The following P2RX6 variants were observed in gnomAD, a reference collection of about 807,000 sequenced individuals.
P2RX6 encodes P2X purinoceptor 6.
Under a neutral mutation model 54.2 loss-of-function variants are expected in P2RX6, and 62 were observed. The ratio of observed to expected loss-of-function variants is 1.14; its 90% CI spans 0.93 to 1.41. The LOEUF (loss-of-function observed/expected upper bound fraction) is 1.41. Among genes scored for constraint, P2RX6 ranks in the 40% most tolerant of loss-of-function variants. P2RX6 has a pLI of 0.00. For synonymous variants in P2RX6, 211 were observed against 231.9 expected, an observed-to-expected ratio of 0.91 and a Z score of 0.82; for missense variants, 541 against 566.3, an observed-to-expected ratio of 0.96 and a Z score of 0.45.
At chr22:21,017,739 C>G (rs868602317) in intron 2 of P2RX6, among the ~76,000 whole-genome samples, 50 of 152,096 alleles carry the variant, frequency 3.3e-4, no homozygotes, top group African/African-American at 1.1e-3. Flanking sequence ...CACATGCACA[C>G]ACACACACAA....
Position 21,021,170 on chromosome 22 carries a change from T to C in P2RX6, c.388-1506T>C, listed in dbSNP as rs529060384. On this transcript the variant is annotated intron_variant, in intron 3 of 11. Transcript: ENST00000413302. ...TCTTTTTTTTCCTGTAGCAATGAGG[T>C]CTTGCTTTGTTGCCCAGGCTGGTCT... Among the ~76,000 whole-genome samples, 5 of 152,122 alleles carry C rather than the reference T, an allele frequency of 3.3e-5. No individual in the cohort carries two copies. In the East Asian group the frequency reaches 9.7e-4, roughly 29 times the overall value.
At chr22:21,013,154 T>G (rs1164045249), upstream of P2RX6, 1 of 164,438 alleles carries the variant, frequency 6.1e-6, no homozygotes, top group Non-Finnish European at 1.4e-5. Flanking sequence ...GTACAGGGTG[T>G]CCCCGACCAG....
At chr22:21,018,343 C>T (rs1166539935) in intron 3 of P2RX6, 6 of 425,024 alleles carry the variant, frequency 1.4e-5, no homozygotes, top group Non-Finnish European at 2.2e-5. Flanking sequence ...GACAGGACCC[C>T]GAGCTCTGGG....
At position 21,026,349 on chromosome 22, in the gene P2RX6, C is replaced by G. The variant is rs376403256; in HGVS notation, c.1128+20C>G. The G allele has an allele frequency of 6.3e-7, 1 of 1,594,956 alleles. No individual in the cohort carries two copies. The stretch of plus-strand genomic sequence containing the variant: ...GAGGAGGTGAGCTGAGGTCGCTCTG[C>G]TTGGACCCTGGGTTCTGCCACACTT... On this transcript the variant is annotated intron_variant, in intron 11 of 11. Transcript: ENST00000413302. This position sits in a 1 kb window ranked among gnomAD's most constrained non-coding sequence, Gnocchi z 4.0.
intron 1 of P2RX6, 52 bp downstream of exon 1, chr22:21,015,390 G>A (rs1465356201): frequency 6.6e-7 from 1 of 1,514,780 alleles, no homozygotes; most frequent in Non-Finnish European, 8.7e-7. Context: ...AAGAGGTGGG[G>A]GGTGGGGCTT....
Position 21,026,358 on chromosome 22 carries a change from T to C in P2RX6, c.1128+29T>C. The C allele has an allele frequency of 1.3e-6, 2 of 1,591,296 alleles. No homozygotes were observed. The highest frequency in any genetic ancestry group is 1.7e-6 in the Non-Finnish European group (2 of 1,168,768). On this transcript the variant is annotated intron_variant, in intron 11 of 11. Coordinates refer to ENST00000413302, the MANE Select transcript of P2RX6 (RefSeq NM_005446.5). The surrounding 1 kb of genome is among the most constrained non-coding windows in gnomAD (Gnocchi z 4.0). ...AGCTGAGGTCGCTCTGCTTGGACCC[T>C]GGGTTCTGCCACACTTAGGAAGATG...
At position 21,023,481 on chromosome 22, in the gene P2RX6, C is replaced by T. The variant is rs536520005; in HGVS notation, c.781-28C>T. Reference sequence around the variant, plus strand: ...GGGAGAGGGTCCCGGGCCCACCCACCGGTGGAAAAGCTATGTGCTATGTGC... The same window carrying T: ...GGGAGAGGGTCCCGGGCCCACCCACTGGTGGAAAAGCTATGTGCTATGTGC... On this transcript the variant is annotated intron_variant, in intron 7 of 11. Coordinates refer to ENST00000413302, the MANE Select transcript of P2RX6 (RefSeq NM_005446.5). 201 of 1,613,038 alleles carry T rather than the reference C, an allele frequency of 1.2e-4. 2 individuals are homozygous for T. In the Middle Eastern group the frequency reaches 2.3e-3, roughly 19 times the overall value.
chr22:21,025,854 C>A lies in P2RX6; in HGVS notation c.940C>A (p.Leu314Ile). 6.4e-7 allele frequency: 1 copy of A among 1,571,792 alleles called. No homozygotes were observed. The highest frequency in any genetic ancestry group is 2.4e-5 in the East Asian group (1 of 42,344). ...ACCGGGTGTGGAGGCCCGCACCCTG[C>A]TCAAGCTCTATGGAATCCGCTTCGA... ...EQPGVEARTL[L>I]KLYGIRFDIL... The change falls in exon 9 of 12, where the codon CTC becomes ATC. Residue 314 changes from leucine to isoleucine, a missense_variant. Leu to Ile is a conservative substitution (Grantham distance 5). Coordinates refer to ENST00000413302, the MANE Select transcript of P2RX6 (RefSeq NM_005446.5).
chr22:21,026,045 C>G lies in P2RX6; in HGVS notation c.1019C>G (p.Thr340Arg). Residue 340 changes from threonine (T) to arginine (R), a missense_variant, in exon 10 of 12, where the codon ACA becomes AGA. Physicochemically the swap from Thr to Arg is moderately conservative, Grantham distance 71. Coordinates refer to ENST00000413302, the MANE Select transcript of P2RX6 (RefSeq NM_005446.5). This position sits in a 1 kb window ranked among gnomAD's most constrained non-coding sequence, Gnocchi z 4.0. Reference sequence around the variant, plus strand: ...TTCGGGCTCATCCCCACGGCCGTCACACTGGGCACCGGGGCAGCTTGGCTG... The same window carrying G: ...TTCGGGCTCATCCCCACGGCCGTCAGACTGGGCACCGGGGCAGCTTGGCTG... ...GKFGLIPTAV[T>R]LGTGAAWLGV... 1 of 1,612,062 alleles carries G rather than the reference C, an allele frequency of 6.2e-7. No individual in the cohort carries two copies. Among genetic ancestry groups the G allele is most frequent in the Non-Finnish European group, 8.5e-7 (1 of 1,179,378 alleles).
At chr22:21,011,362 T>C (rs898121312), upstream of P2RX6, 7 of 595,728 alleles carry the variant, frequency 1.2e-5, 1 homozygote, top group African/African-American at 1.4e-4. Flanking sequence ...TTCATGGCCA[T>C]GGTGCCCTGC....
At position 21,026,874 on chromosome 22, in the gene P2RX6, C is replaced by G. The variant is rs932355384; in HGVS notation, c.*257C>G. 3.1e-6 allele frequency: 2 copies of G among 636,466 alleles called. No individual in the cohort carries two copies. The highest frequency in any genetic ancestry group is 6.3e-5 in the Admixed American group (2 of 31,598). 39.4% of individuals were successfully genotyped at this position (636,466 alleles called of 1,614,324 possible). A position where few individuals can be genotyped will look rare whatever the true frequency, so the allele number is the denominator to read the frequency against. ...AGCAGGCACCTGTATTGCAGGGCTC[C>G]GACTGCATGTGGCAGGGGCTCCTGC... On this transcript the variant is annotated 3_prime_UTR_variant, in exon 12 of 12. Coordinates refer to ENST00000413302, the MANE Select transcript of P2RX6 (RefSeq NM_005446.5). This position sits in a 1 kb window ranked among gnomAD's most constrained non-coding sequence, Gnocchi z 4.0.
At chr22:21,012,383 C>T (rs1275577954), upstream of P2RX6, 1 of 325,884 alleles carries the variant, frequency 3.1e-6, no homozygotes, top group African/African-American at 2.2e-5. Context: ...CCCACATACC[C>T]CCTCCTGTGA....
chr22:21,014,173 C>T, upstream of P2RX6: 1 of 155,994 alleles, frequency 6.4e-6, no homozygotes, highest in Non-Finnish European at 1.4e-5. Context: ...TCGCCTCTTC[C>T]TCCTGCTTTT....
Position 21,026,516 on chromosome 22 carries a change from C to A in P2RX6, c.1225C>A (p.Pro409Thr). Residue 409 changes from proline (P) to threonine (T), a missense_variant, in exon 12 of 12, where the codon CCT becomes ACT. By Grantham distance (38) the Pro-to-Thr change is conservative. Coordinates refer to ENST00000413302, the MANE Select transcript of P2RX6 (RefSeq NM_005446.5). This position sits in a 1 kb window ranked among gnomAD's most constrained non-coding sequence, Gnocchi z 4.0. The part of the protein sequence containing the change: ...LAECLRRSSA[P>T]APTATAAGSQ... ...CGAGTGCCTCAGACGGAGCTCAGCACCTGCACCCACGGCCACTGCTGCTGG... is the reference window on the plus strand; with the variant it reads ...CGAGTGCCTCAGACGGAGCTCAGCAACTGCACCCACGGCCACTGCTGCTGG... 1 of 1,592,826 alleles carries A rather than the reference C, an allele frequency of 6.3e-7. No individual in the cohort carries two copies. Among genetic ancestry groups the A allele is most frequent in the African/African-American group, 1.3e-5 (1 of 74,482 alleles).
chr22:21,020,975 G>T (rs528004315), intron 3 of P2RX6, among the ~76,000 whole-genome samples: 1 of 152,218 alleles, frequency 6.6e-6, no homozygotes, highest in African/African-American at 2.4e-5. Flanking sequence ...GGTGGGTAAA[G>T]GCCCTGAGCT....
rs1002973155 is a variant in P2RX6, at chr22:21,026,814, C to T, written c.*197C>T. On this transcript the variant is annotated 3_prime_UTR_variant, in exon 12 of 12. Transcript: ENST00000413302. The surrounding 1 kb of genome is among the most constrained non-coding windows in gnomAD (Gnocchi z 4.0). ...AGAAGTCGGCTGTGTTTTGAGACGGCGACAGAACCTGACCCGTGGAGACTG... is the reference window on the plus strand; with the variant it reads ...AGAAGTCGGCTGTGTTTTGAGACGGTGACAGAACCTGACCCGTGGAGACTG... The T allele has an allele frequency of 3.6e-5, 41 of 1,152,100 alleles. No homozygotes were observed. The highest frequency in any genetic ancestry group is 2.6e-4 in the Admixed American group (9 of 34,580). The allele number at this position is 1,152,100 out of a possible 1,614,324, so 71.4% of individuals were successfully genotyped here.
upstream of P2RX6, among the ~76,000 whole-genome samples, chr22:21,014,640 G>A (rs1223477695): frequency 6.6e-6 from 1 of 152,174 alleles, no homozygotes; most frequent in Non-Finnish European, 1.5e-5. Flanking sequence ...CTTTTCAGGA[G>A]GGCCTGGGGA....
At chr22:21,021,360 C>T (rs973999499) in intron 3 of P2RX6, among the ~76,000 whole-genome samples, 1 of 152,084 alleles carries the variant, frequency 6.6e-6, no homozygotes, top group South Asian at 2.1e-4. Flanking sequence ...CATTGGGATG[C>T]ACCACTTGGG....
Position 21,026,182 on chromosome 22 carries a change from G to T in P2RX6, c.1051-70G>T. 2.0e-6 allele frequency: 3 copies of T among 1,538,290 alleles called. No homozygotes were observed. In the South Asian group the frequency reaches 3.5e-5, roughly 18 times the overall value. Reference sequence around the variant, plus strand: ...CGGTGCCTGCACATTGAGTCTCGGGGTGCAGGCTGGGGAGGTGGCAGGAGA... The same window carrying T: ...CGGTGCCTGCACATTGAGTCTCGGGTTGCAGGCTGGGGAGGTGGCAGGAGA... On this transcript the variant is annotated intron_variant, in intron 10 of 11. Coordinates refer to ENST00000413302, the MANE Select transcript of P2RX6 (RefSeq NM_005446.5). This position sits in a 1 kb window ranked among gnomAD's most constrained non-coding sequence, Gnocchi z 4.0.
Sources: allele counts gnomAD v4.1 joint callset (sites outside exome capture counted in the v4.1 genomes callset), GRCh38; gene constraint gnomAD v4.1.1; non-coding constraint Gnocchi (gnomAD v3.1); transcripts MANE v1.5; gene names NCBI Gene and HGNC (gene_info 2026-07-23, HGNC 2026-07-21).